MTUS2: variants seen among roughly 807,000 people sequenced by gnomAD.
MTUS2 encodes the protein microtubule associated scaffold protein 2.
Under a neutral mutation model 114.1 loss-of-function variants are expected in MTUS2, and 40 were observed. The ratio of observed to expected loss-of-function variants is 0.35; its 90% CI spans 0.27 to 0.46. The LOEUF (loss-of-function observed/expected upper bound fraction) is 0.46. MTUS2 is among the 20% of genes least tolerant of loss of function. The pLI is 1.00. For synonymous variants in MTUS2, 688 were observed against 672.0 expected (o/e 1.02, Z -0.37); for missense variants, 1,679 against 1,705.4 (o/e 0.98, Z 0.27).
chr13:29,170,266 A>G (rs1320452890), intron 5 of MTUS2, among the ~76,000 whole-genome samples: 2 of 117,924 alleles, frequency 1.7e-5, no homozygotes, highest in Non-Finnish European at 3.7e-5. Context: ...GGAAGTGGCC[A>G]CTATTACTGT....
chr13:29,224,822 T>G (rs992464354), intron 5 of MTUS2, among the ~76,000 whole-genome samples: 2 of 152,188 alleles, frequency 1.3e-5, no homozygotes, highest in African/African-American at 4.8e-5. Flanking sequence ...AGTGGTTATG[T>G]CCACCAAGTT....
At chr13:29,121,456 CACAT>C (rs1307682199) in intron 5 of MTUS2, among the ~76,000 whole-genome samples, 1 of 151,810 alleles carries the variant, frequency 6.6e-6, no homozygotes, top group Non-Finnish European at 1.5e-5. Flanking sequence ...CACACACACA[CACAT>C]GCAAGAGATA....
At chr13:28,890,254 T>C (rs181940853) in intron 2 of MTUS2, among the ~76,000 whole-genome samples, 5 of 152,322 alleles carry the variant, frequency 3.3e-5, no homozygotes, top group Admixed American at 2.6e-4. Context: ...TTGAGTGTTA[T>C]TATAGCCATG....
At chr13:29,489,234 T>C (rs1881874323) in intron 11 of MTUS2, among the ~76,000 whole-genome samples, 1 of 152,096 alleles carries the variant, frequency 6.6e-6, no homozygotes, top group Non-Finnish European at 1.5e-5. Context: ...ATTGCGCCAT[T>C]GCACTCCAGC....
Position 29,026,025 on chromosome 13 carries a change from A to G in MTUS2, c.1327A>G (p.Asn443Asp), listed in dbSNP as rs201572486. 7 of 1,613,840 alleles carry G rather than the reference A, an allele frequency of 4.3e-6. No individual in the cohort carries two copies. The highest frequency in any genetic ancestry group is 5.1e-6 in the Non-Finnish European group (6 of 1,179,888). Residue 443 changes from asparagine (N) to aspartate (D), a missense_variant, in exon 3 of 16, where the codon AAT becomes GAT. By Grantham distance (23) the Asn-to-Asp change is conservative. This residue lies in a region of MTUS2 where 843 missense variants were observed against 770.8 expected (regional missense o/e 1.09). Coordinates refer to ENST00000612955, the MANE Select transcript of MTUS2 (RefSeq NM_001033602.4). ...CAGTCATGTGGCTTTTATTCCTAAT[A>G]ATCTGACTGACAGCAAGCCCTTGGA... ...GDSHVAFIPN[N>D]LTDSKPLDVI...
At chr13:29,047,440 T>G (rs1396294085) in intron 4 of MTUS2, among the ~76,000 whole-genome samples, 1 of 152,148 alleles carries the variant, frequency 6.6e-6, no homozygotes, top group Non-Finnish European at 1.5e-5. Flanking sequence ...ATGTCTAAAT[T>G]GGCCTATCAA....
At chr13:29,447,543 G>A (rs1483571138) in intron 9 of MTUS2, among the ~76,000 whole-genome samples, 3 of 151,682 alleles carry the variant, frequency 2.0e-5, no homozygotes. Flanking sequence ...GGGGAAATCA[G>A]GGTGACTTAA....
intron 2 of MTUS2, among the ~76,000 whole-genome samples, chr13:28,905,862 T>C (rs908186879): frequency 4.6e-5 from 7 of 151,552 alleles, no homozygotes; most frequent in Non-Finnish European, 8.8e-5. Context: ...TGGTAGAATT[T>C]GGCTGTGAAT....
intron 10 of MTUS2, chr13:29,485,167 G>T (rs1473955850): frequency 6.6e-6 from 1 of 152,670 alleles, no homozygotes; most frequent in Non-Finnish European, 1.5e-5. Context: ...TTTTATCTTT[G>T]ATTTGGTGAT....
At chr13:28,892,865 T>C (rs935753729) in intron 2 of MTUS2, among the ~76,000 whole-genome samples, 9 of 152,206 alleles carry the variant, frequency 5.9e-5, no homozygotes, top group Admixed American at 5.9e-4. Context: ...TTGGTGTCTA[T>C]GAGAGTTCAC....
At chr13:29,057,494 A>G (rs1888190574) in intron 4 of MTUS2, among the ~76,000 whole-genome samples, 1 of 152,118 alleles carries the variant, frequency 6.6e-6, no homozygotes, top group Non-Finnish European at 1.5e-5. Flanking sequence ...TTGGGTGCAT[A>G]TGTATTTAGG....
At chr13:28,864,119 C>A (rs1326694223) in intron 2 of MTUS2, among the ~76,000 whole-genome samples, 3 of 152,202 alleles carry the variant, frequency 2.0e-5, no homozygotes, top group Non-Finnish European at 4.4e-5. Flanking sequence ...TTCTCCTCTT[C>A]TACCCCTTTG....
At chr13:29,194,530 C>G (rs937125223) in intron 5 of MTUS2, among the ~76,000 whole-genome samples, 4 of 152,178 alleles carry the variant, frequency 2.6e-5, no homozygotes. Context: ...AAATGCAAAT[C>G]GAAACCACAG....
rs59726006 is a variant in MTUS2 at position 29,195,539 on chromosome 13, G to GAAAAAAAAAAA, written c.2645-86153_2645-86143dup. On this transcript the variant is annotated intron_variant, in intron 5 of 15. Coordinates refer to ENST00000612955, the MANE Select transcript of MTUS2 (RefSeq NM_001033602.4). ...CCATCACAGATTAAAACTTAATTCT[G>GAAAAAAAAAAA]AAAAAAAAAAAAAAAAAAAAAAGAG... Among the ~76,000 whole-genome samples the GAAAAAAAAAAA allele has an allele frequency of 8.8e-4, 69 of 78,520 alleles. No individual in the cohort carries two copies. In the East Asian group the frequency reaches 9.7e-3, roughly 11 times the overall value. 51.5% of individuals were successfully genotyped at this position (78,520 alleles called of 152,430 possible).
intron 4 of MTUS2, among the ~76,000 whole-genome samples, chr13:29,036,365 A>G (rs932479795): frequency 6.6e-6 from 1 of 152,198 alleles, no homozygotes; most frequent in African/African-American, 2.4e-5. Flanking sequence ...TACATTTACC[A>G]TGTTTTAGCC....
At chr13:29,097,788 T>C (rs1165934406) in intron 4 of MTUS2, among the ~76,000 whole-genome samples, 2 of 152,164 alleles carry the variant, frequency 1.3e-5, no homozygotes, top group Non-Finnish European at 2.9e-5. Flanking sequence ...TCCATTCTTA[T>C]AACCTAATTA....
At chr13:29,501,255 CA>C in intron 15 of MTUS2, 61 bp downstream of exon 15, 1 of 1,284,952 alleles carries the variant, frequency 7.8e-7, no homozygotes, top group Non-Finnish European at 1.1e-6. Context: ...TTTGTTGCAA[CA>C]TCCAGTTTCC....
At chr13:28,874,330 A>G (rs1877805044) in intron 2 of MTUS2, among the ~76,000 whole-genome samples, 1 of 152,206 alleles carries the variant, frequency 6.6e-6, no homozygotes, top group Non-Finnish European at 1.5e-5. Flanking sequence ...ATCTTTCAAG[A>G]TAAACTATTC....
At chr13:29,293,567 G>A (rs1487607147) in intron 6 of MTUS2, among the ~76,000 whole-genome samples, 1 of 152,036 alleles carries the variant, frequency 6.6e-6, no homozygotes, top group East Asian at 1.9e-4. Context: ...AAGTAATCCA[G>A]TATTTCTACT....
Sources: gnomAD v4.1 joint callset for allele counts (sites outside exome capture counted in the v4.1 genomes callset) on GRCh38, gnomAD v4.1.1 for gene constraint, gnomAD v4.1.1 regional missense constraint, MANE v1.5 for transcripts, NCBI Gene and HGNC (gene_info 2026-07-23, HGNC 2026-07-21) for gene names.